Variants in CAMKMT observed in about 807,000 individuals in gnomAD.
The protein encoded by CAMKMT is CaM KMT.
In CAMKMT, 53 loss-of-function variants were observed where a neutral mutation model predicts 48.0. The observed-to-expected ratio is 1.10, with a 90% CI of 0.89 to 1.39. CAMKMT has a LOEUF of 1.39. CAMKMT is among the 40% of genes most tolerant of loss of function. The pLI is 0.00. For missense variants in CAMKMT, 428 were observed against 402.7 expected, an observed-to-expected ratio of 1.06 and a Z score of -0.54; for synonymous variants, 165 against 152.3, an observed-to-expected ratio of 1.08 and a Z score of -0.61.
At chr2:44,462,516 T>G (rs1667900358) in intron 3 of CAMKMT, among the ~76,000 whole-genome samples, 1 of 152,146 alleles carries the variant, frequency 6.6e-6, no homozygotes, top group South Asian at 2.1e-4. Flanking sequence ...TTAATTGGCC[T>G]TATAATAATA....
intron 3 of CAMKMT, among the ~76,000 whole-genome samples, chr2:44,527,535 C>G (rs1476130220): frequency 6.7e-6 from 1 of 149,552 alleles, no homozygotes; most frequent in Admixed American, 6.7e-5. Context: ...ATTATAGACA[C>G]AAGCTACCAC....
rs1067395 is a variant in CAMKMT, at chr2:44,410,694, C to T, written c.376+20389C>T. Among the ~76,000 whole-genome samples, 511 of 151,986 alleles carry T rather than the reference C, an allele frequency of 3.4e-3. 1 individual carries two copies. The highest frequency in any genetic ancestry group is 9.2e-3 in the Admixed American group (140 of 15,262). On this transcript the variant is annotated intron_variant, in intron 3 of 10. Coordinates refer to ENST00000378494, the MANE Select transcript of CAMKMT (RefSeq NM_024766.5). Reference sequence around the variant, plus strand: ...GCCTGTTCTTTAATATGCTAAAAGACGGATATAGTAATTTGGAGAAATAAC... The same window carrying T: ...GCCTGTTCTTTAATATGCTAAAAGATGGATATAGTAATTTGGAGAAATAAC...
At chr2:44,671,621 C>T (rs547408526) in intron 3 of CAMKMT, among the ~76,000 whole-genome samples, 1 of 152,312 alleles carries the variant, frequency 6.6e-6, no homozygotes, top group Non-Finnish European at 1.5e-5. Flanking sequence ...CAAAAACCTC[C>T]TCTGGTTGAG....
intron 3 of CAMKMT, among the ~76,000 whole-genome samples, chr2:44,404,906 A>C (rs1308706154): frequency 6.6e-6 from 1 of 152,114 alleles, no homozygotes; most frequent in Non-Finnish European, 1.5e-5. Context: ...ATTAAAGAGA[A>C]TATAAATGCT....
intron 3 of CAMKMT, among the ~76,000 whole-genome samples, chr2:44,667,421 T>C (rs766392870): frequency 1.9e-4 from 29 of 152,166 alleles, no homozygotes; most frequent in Non-Finnish European, 4.0e-4. Flanking sequence ...CCTTGCCACC[T>C]TCACACATTT....
chr2:44,449,638 A>C (rs1253870514), intron 3 of CAMKMT, among the ~76,000 whole-genome samples: 3 of 152,318 alleles, frequency 2.0e-5, no homozygotes, highest in African/African-American at 7.2e-5. Context: ...AAAAGGAGAA[A>C]ATAATTTCTT....
At chr2:44,471,554 T>A (rs77890856) in intron 3 of CAMKMT, among the ~76,000 whole-genome samples, 7,572 of 151,978 alleles carry the variant, frequency 0.05, 545 homozygotes, top group East Asian at 0.37. Flanking sequence ...GAGCCATGAT[T>A]GTGCCAATAC....
chr2:44,611,018 C>T (rs1223813783), intron 3 of CAMKMT, among the ~76,000 whole-genome samples: 1 of 152,152 alleles, frequency 6.6e-6, no homozygotes, highest in Non-Finnish European at 1.5e-5. Flanking sequence ...CTTATCAGAG[C>T]AAAAGCAGGA....
At chr2:44,412,284 T>C (rs953213662) in intron 3 of CAMKMT, among the ~76,000 whole-genome samples, 1 of 152,168 alleles carries the variant, frequency 6.6e-6, no homozygotes, top group African/African-American at 2.4e-5. Flanking sequence ...TAGCATATCT[T>C]TGACACAAAT....
chr2:44,666,197 A>G (rs1159423751), intron 3 of CAMKMT, among the ~76,000 whole-genome samples: 1 of 152,190 alleles, frequency 6.6e-6, no homozygotes, highest in African/African-American at 2.4e-5. Context: ...ATGTGAGGGA[A>G]AAAATTGTTC....
intron 3 of CAMKMT, among the ~76,000 whole-genome samples, chr2:44,620,982 G>A (rs1283479134): frequency 2.0e-5 from 3 of 152,144 alleles, no homozygotes; most frequent in African/African-American, 4.8e-5. Flanking sequence ...ACAGAGCCTG[G>A]AGCAGGCCGG....
intron 3 of CAMKMT, chr2:44,391,741 T>C (rs1375689943): frequency 1.3e-5 from 2 of 152,870 alleles, no homozygotes; most frequent in African/African-American, 4.8e-5. Context: ...GCATCAATTA[T>C]TATTTTAGGC....
At chr2:44,698,812 A>G (rs1053389267) in intron 3 of CAMKMT, among the ~76,000 whole-genome samples, 2 of 152,206 alleles carry the variant, frequency 1.3e-5, no homozygotes, top group East Asian at 1.9e-4. Context: ...CATTTTACCC[A>G]CAGTAGAACT....
At chr2:44,677,660 A>T (rs1213028656) in intron 3 of CAMKMT, among the ~76,000 whole-genome samples, 1 of 152,028 alleles carries the variant, frequency 6.6e-6, no homozygotes, top group Non-Finnish European at 1.5e-5. Flanking sequence ...GTGAGCCGAG[A>T]TGGCACCACT....
chr2:44,631,929 A>G (rs1198825592), intron 3 of CAMKMT, among the ~76,000 whole-genome samples: 1 of 152,094 alleles, frequency 6.6e-6, no homozygotes, highest in East Asian at 1.9e-4. Flanking sequence ...TTCACATAAT[A>G]TTATACTATT....
chr2:44,557,241 G>A (rs1275593126), intron 3 of CAMKMT, among the ~76,000 whole-genome samples: 2 of 151,566 alleles, frequency 1.3e-5, no homozygotes, highest in Non-Finnish European at 2.9e-5. Flanking sequence ...TCTGTGGGAG[G>A]ATGGAGCTGA....
At chr2:44,502,766 G>A (rs890677737) in intron 3 of CAMKMT, among the ~76,000 whole-genome samples, 1 of 152,018 alleles carries the variant, frequency 6.6e-6, no homozygotes, top group Non-Finnish European at 1.5e-5. Context: ...GTCCCTTAAG[G>A]AAAGCTGATT....
At chr2:44,515,838 G>T (rs957920143) in intron 3 of CAMKMT, among the ~76,000 whole-genome samples, 2 of 152,212 alleles carry the variant, frequency 1.3e-5, no homozygotes, top group Admixed American at 1.3e-4. Flanking sequence ...TTTAGTCTGT[G>T]GCTACTTAGT....
chr2:44,387,606 A>T (rs779712580), intron 2 of CAMKMT, among the ~76,000 whole-genome samples: 37 of 151,374 alleles, frequency 2.4e-4, no homozygotes, highest in Admixed American at 8.5e-4. Context: ...TTTAACTTGT[A>T]TTTTTGTTTT....
Sources: allele counts gnomAD v4.1 joint callset (sites outside exome capture counted in the v4.1 genomes callset), GRCh38; gene constraint gnomAD v4.1.1; transcripts MANE v1.5; gene names NCBI Gene and HGNC (gene_info 2026-07-23, HGNC 2026-07-21).